The following VAPB variants were observed in gnomAD, a reference collection of about 807,000 sequenced individuals.
VAPB encodes the protein VAMP associated protein B and C, also known as vesicle-associated membrane protein-associated protein B/C.
In VAPB, 7 loss-of-function variants were observed where a neutral mutation model predicts 25.6. That is an observed-to-expected ratio of 0.27 (90% CI 0.16 to 0.51). VAPB has a LOEUF of 0.51. Among genes scored for constraint, VAPB ranks in the 20% least tolerant of loss-of-function variants. VAPB has a pLI of 0.97. For missense variants in VAPB, 266 were observed against 301.3 expected (o/e 0.88, Z 0.87); for synonymous variants, 112 against 109.2 (o/e 1.03, Z -0.16).
Position 58,444,828 on chromosome 20 carries a change from T to A in VAPB, c.*593T>A. 1 of 454,602 alleles carries A rather than the reference T, an allele frequency of 2.2e-6. No homozygotes were observed. The highest frequency in any genetic ancestry group is 1.6e-5 in the South Asian group (1 of 64,484). The allele number at this position is 454,602 out of a possible 1,614,324, so 28.2% of individuals were successfully genotyped here. On this transcript the variant is annotated 3_prime_UTR_variant, in exon 6 of 6. Transcript: ENST00000475243. ...AAGTGAGAGGCGTGTGTTGACTGAT[T>A]GACCCAGCGCTTTGGAAATAAATGG... is the stretch of plus-strand genomic sequence containing the variant.
chr20:58,404,303 C>T (rs1439259154), intron 1 of VAPB, among the ~76,000 whole-genome samples: 2 of 152,266 alleles, frequency 1.3e-5, no homozygotes, highest in Admixed American at 1.3e-4. Context: ...GCTTCTTTCA[C>T]CCCTCTCGTA....
At chr20:58,391,069 G>A (rs1987783615) in intron 1 of VAPB, among the ~76,000 whole-genome samples, 1 of 152,234 alleles carries the variant, frequency 6.6e-6, no homozygotes, top group Non-Finnish European at 1.5e-5. Context: ...TGGGAAAGAA[G>A]TCCAGGTAGC....
At chr20:58,431,760 T>A (rs1600810492) in intron 2 of VAPB, among the ~76,000 whole-genome samples, 1 of 151,954 alleles carries the variant, frequency 6.6e-6, no homozygotes, top group African/African-American at 2.4e-5. Flanking sequence ...AGAGATGGGG[T>A]CTTGCTTTGT....
In VAPB at chr20:58,447,810, T is replaced by C; in HGVS notation, c.*3575T>C. 1 of 454,158 alleles carries C rather than the reference T, an allele frequency of 2.2e-6. No homozygotes were observed. The highest frequency in any genetic ancestry group is 1.6e-5 in the South Asian group (1 of 64,482). 28.1% of individuals were successfully genotyped at this position (454,158 alleles called of 1,614,324 possible). Reference sequence around the variant, plus strand: ...CAAAATACAATGTTATATGTCATTTTCAGCTCCTTCTCTAAAGGAATGGCC... The same window carrying C: ...CAAAATACAATGTTATATGTCATTTCCAGCTCCTTCTCTAAAGGAATGGCC... On this transcript the variant is annotated 3_prime_UTR_variant, in exon 6 of 6. Transcript: ENST00000475243.
rs751886328 is a variant in VAPB at position 58,445,663 on chromosome 20, T to TA, written c.*1429dup. On this transcript the variant is annotated 3_prime_UTR_variant, in exon 6 of 6. Transcript: ENST00000475243. ...TAAAATGAGCCCTATCACTGAGAAATACGTGTTTCATGATTTAACTCTGTG... is the reference window on the plus strand; with the variant it reads ...TAAAATGAGCCCTATCACTGAGAAATAACGTGTTTCATGATTTAACTCTGTG... 11 of 453,952 alleles carry TA rather than the reference T, an allele frequency of 2.4e-5. No homozygotes were observed. Among genetic ancestry groups the TA allele is most frequent in the African/African-American group, 4.0e-5 (2 of 49,756 alleles). 28.1% of individuals were successfully genotyped at this position (453,952 alleles called of 1,614,324 possible).
chr20:58,393,044 T>G (rs1987847316), intron 1 of VAPB, among the ~76,000 whole-genome samples: 1 of 152,084 alleles, frequency 6.6e-6, no homozygotes, highest in East Asian at 1.9e-4. Context: ...AGTAAATGTT[T>G]TTGTTTTTTG....
chr20:58,431,404 C>T (rs1001571948), intron 2 of VAPB: 1 of 152,104 alleles, frequency 6.6e-6, no homozygotes, highest in Non-Finnish European at 1.5e-5. Context: ...TAATTTTTAC[C>T]TAAAAGCCTG....
chr20:58,427,624 G>A (rs13044525), intron 2 of VAPB, among the ~76,000 whole-genome samples: 78 of 151,518 alleles, frequency 5.1e-4, no homozygotes, highest in Admixed American at 6.6e-4. Flanking sequence ...TGATGCAGGT[G>A]AAAGTGATCT....
Position 58,448,463 on chromosome 20 carries a change from A to G in VAPB, c.*4228A>G, listed in dbSNP as rs577814482. ...TTCGCTCATTGAACTTAATCCTTGC[A>G]ACTGTGACTGGGGGGTAGATGGCTC... On this transcript the variant is annotated 3_prime_UTR_variant, in exon 6 of 6. Transcript: ENST00000475243. 4.0e-5 allele frequency: 18 copies of G among 454,114 alleles called. No individual in the cohort carries two copies. In the East Asian group the frequency reaches 1.1e-3, roughly 28 times the overall value. The allele number at this position is 454,114 out of a possible 1,614,324, so 28.1% of individuals were successfully genotyped here. A position where few individuals can be genotyped will look rare whatever the true frequency, so the allele number is the denominator to read the frequency against.
chr20:58,436,508 G>C (rs1353545260), intron 3 of VAPB, among the ~76,000 whole-genome samples: 1 of 151,316 alleles, frequency 6.6e-6, no homozygotes, highest in Non-Finnish European at 1.5e-5. Flanking sequence ...TAATTTTTTT[G>C]TAGAGACAGG....
In VAPB at chr20:58,389,617, C is replaced by G. The variant is rs1324430843; in HGVS notation, c.58+100C>G. On this transcript the variant is annotated intron_variant, in intron 1 of 5. Transcript: ENST00000475243. The stretch of plus-strand genomic sequence containing the variant: ...GGGTGACGTCGGCCCTCGTCCCCAC[C>G]CCGACGGCGCTGTCGCGGGGGGCGG... 5 of 1,295,706 alleles carry G rather than the reference C, an allele frequency of 3.9e-6. No homozygotes were observed. In the African/African-American group the frequency reaches 4.7e-5, roughly 12 times the overall value. The allele number at this position is 1,295,706 out of a possible 1,614,324, so 80.3% of individuals were successfully genotyped here.
At chr20:58,419,819 A>G (rs1988631548) in intron 2 of VAPB, among the ~76,000 whole-genome samples, 1 of 152,206 alleles carries the variant, frequency 6.6e-6, no homozygotes, top group Non-Finnish European at 1.5e-5. Context: ...CCTGTATCAA[A>G]TTTGAGCAAG....
intron 2 of VAPB, among the ~76,000 whole-genome samples, chr20:58,427,812 T>C (rs1988836308): frequency 6.6e-6 from 1 of 152,130 alleles, no homozygotes; most frequent in African/African-American, 2.4e-5. Context: ...CAGGCGAAAG[T>C]GATCTGTGAT....
In VAPB at chr20:58,450,025, G is replaced by A. The variant is rs192046748; in HGVS notation, c.*5790G>A. 536 of 454,058 alleles carry A rather than the reference G, an allele frequency of 1.2e-3. 2 individuals carry two copies. The highest frequency in any genetic ancestry group is 2.1e-3 in the Admixed American group (89 of 42,562). 28.1% of individuals were successfully genotyped at this position (454,058 alleles called of 1,614,324 possible). Reference sequence around the variant, plus strand: ...CCAGGCTTAGTGCTAACAAGATTGCGGGGCTTTTTAGGGTTTAAGAAGATG... The same window carrying A: ...CCAGGCTTAGTGCTAACAAGATTGCAGGGCTTTTTAGGGTTTAAGAAGATG... On this transcript the variant is annotated 3_prime_UTR_variant, in exon 6 of 6. Transcript: ENST00000475243.
intron 1 of VAPB, among the ~76,000 whole-genome samples, chr20:58,402,288 T>A (rs1988114662): frequency 6.6e-6 from 1 of 152,200 alleles, no homozygotes; most frequent in African/African-American, 2.4e-5. Context: ...ATACTATGTA[T>A]CATGACTTAC....
At chr20:58,435,995 T>C (rs980884724) in intron 3 of VAPB, among the ~76,000 whole-genome samples, 10 of 152,170 alleles carry the variant, frequency 6.6e-5, no homozygotes, top group African/African-American at 2.4e-4. Context: ...CAGGTTTTAT[T>C]AACTCTGTTG....
At chr20:58,415,387 G>A (rs986569015) in intron 1 of VAPB, among the ~76,000 whole-genome samples, 3 of 152,154 alleles carry the variant, frequency 2.0e-5, no homozygotes, top group African/African-American at 7.2e-5. Flanking sequence ...GACATAAAGG[G>A]CATTGTTTAC....
chr20:58,410,511 G>A (rs1352469753), intron 1 of VAPB, among the ~76,000 whole-genome samples: 2 of 152,030 alleles, frequency 1.3e-5, no homozygotes, highest in Non-Finnish European at 2.9e-5. Context: ...TCGCCTCCTG[G>A]GTTCAAACTG....
Position 58,448,643 on chromosome 20 carries a change from C to G in VAPB, c.*4408C>G, listed in dbSNP as rs1989356797. ...AGTGGATGAGGCCTTCCTGCCTCAG[C>G]TACTCTGCCCGTCTGTACATCTTTT... On this transcript the variant is annotated 3_prime_UTR_variant, in exon 6 of 6. Coordinates refer to ENST00000475243, the MANE Select transcript of VAPB (RefSeq NM_004738.5). 1 of 453,996 alleles carries G rather than the reference C, an allele frequency of 2.2e-6. No individual in the cohort carries two copies. Among genetic ancestry groups the G allele is most frequent in the Non-Finnish European group, 4.4e-6 (1 of 226,790 alleles). The allele number at this position is 453,996 out of a possible 1,614,324, so 28.1% of individuals were successfully genotyped here. A position where few individuals can be genotyped will look rare whatever the true frequency, so the allele number is the denominator to read the frequency against.
Sources: gnomAD v4.1 joint callset for allele counts (sites outside exome capture counted in the v4.1 genomes callset) on GRCh38, gnomAD v4.1.1 for gene constraint, MANE v1.5 for transcripts, NCBI Gene and HGNC (gene_info 2026-07-23, HGNC 2026-07-21) for gene names.